The following ITGA2B variants were observed in gnomAD, a reference collection of about 807,000 sequenced individuals.
ITGA2B encodes integrin alpha-IIb.
ITGA2B carries 91 observed loss-of-function variants against 142.0 expected under a neutral mutation model. That is an observed-to-expected ratio of 0.64 (90% CI 0.54 to 0.76). The LOEUF is 0.76. Ranked by LOEUF, ITGA2B falls within the 30% of genes least tolerant of loss-of-function variation. The pLI is 0.00. For missense variants in ITGA2B, 1,231 were observed against 1,350.8 expected, an observed-to-expected ratio of 0.91 and a Z score of 1.39; for synonymous variants, 536 against 567.2, an observed-to-expected ratio of 0.94 and a Z score of 0.78.
chr17:44,383,767 TCTC>T, intron 11 of ITGA2B, 63 bp from the exon 12 acceptor site: 1 of 1,549,430 alleles, frequency 6.5e-7, no homozygotes, highest in Non-Finnish European at 8.7e-7. Flanking sequence ...TAGGGCCAAA[TCTC>T]CTCGACCCTT....
In ITGA2B at chr17:44,376,340, C is replaced by A. The variant is rs368755996; in HGVS notation, c.2316G>T (p.Pro772=). The A allele has an allele frequency of 1.9e-6, 3 of 1,614,056 alleles. No homozygotes were observed. Among genetic ancestry groups the A allele is most frequent in the Non-Finnish European group, 2.5e-6 (3 of 1,180,058 alleles). ...PNSKIVLLDV[P]VRAEAQVELR... Reference sequence around the variant, plus strand: ...GCTCCACTTGGGCCTCTGCCCGGACCGGCACGTCCAGCAGCACAATCTTGC... The same window carrying A: ...GCTCCACTTGGGCCTCTGCCCGGACAGGCACGTCCAGCAGCACAATCTTGC... Residue 772 remains proline (P), a synonymous_variant, in exon 23 of 30, where the codon CCG becomes CCT. Transcript: ENST00000262407.
Position 44,389,528 on chromosome 17 carries a change from T to A in ITGA2B, c.-55A>T, listed in dbSNP as rs1598385319. 4 of 1,576,466 alleles carry A rather than the reference T, an allele frequency of 2.5e-6. No individual in the cohort carries two copies. The East Asian group carries it at 9.0e-5, about 36-fold the overall frequency. ...AATGGGCCAGCTCCTCCTCCTTCCC[T>A]TCAGATTCCTCCACAGGAAGTCTTT... On this transcript the variant is annotated 5_prime_UTR_variant, in exon 1 of 30. The change creates a new upstream start codon in the 5' untranslated region. Transcript: ENST00000262407.
chr17:44,377,889 GA>G (rs59083024), intron 20 of ITGA2B, 99 bp from the exon 21 acceptor site: 22 of 738,218 alleles, frequency 3.0e-5, no homozygotes, highest in East Asian at 1.2e-4. Context: ...CCAAGGTAGG[GA>G]GGGGGGGGTT....
In ITGA2B at chr17:44,389,614, C is replaced by A; in HGVS notation, c.-141G>T. 1 of 911,228 alleles carries A rather than the reference C, an allele frequency of 1.1e-6. No individual in the cohort carries two copies. Among genetic ancestry groups the A allele is most frequent in the South Asian group, 1.6e-5 (1 of 63,488 alleles). The allele number at this position is 911,228 out of a possible 1,614,324, so 56.4% of individuals were successfully genotyped here. ...CAACGGGCAGAGCAAAGGGCTATAG[C>A]CCCTGGACTCATGGTGGCTAGAATT... On this transcript the variant is annotated 5_prime_UTR_variant, in exon 1 of 30. Transcript: ENST00000262407.
chr17:44,375,115 AG>A lies in ITGA2B; in HGVS notation c.2728-5del. 1 of 1,548,348 alleles carries A rather than the reference AG, an allele frequency of 6.5e-7. No individual in the cohort carries two copies. Among genetic ancestry groups the A allele is most frequent in the Non-Finnish European group, 8.7e-7 (1 of 1,146,280 alleles). On this transcript the variant is annotated splice_polypyrimidine_tract_variant and splice_region_variant and intron_variant, in intron 26 of 29. Coordinates refer to ENST00000262407, the MANE Select transcript of ITGA2B (RefSeq NM_000419.5). The stretch of plus-strand genomic sequence containing the variant: ...TACAGGGCGCCGAGTCGCAGCTCTG[AG>A]GGGAAGCATCGTCAGTCCCCAGCCC...
At position 44,380,059 on chromosome 17, in the gene ITGA2B, G is replaced by A; in HGVS notation, c.1695C>T (p.Asn565=). ...GGCTGTGCTTTCCGCCCAGATCCAG[G>A]TTCAGGGTGGTGCCTGCCTGTTGAG... ...LGSQQAGTTL[N]LDLGGKHSPI... is the part of the protein sequence containing the mutation. Residue 565 remains asparagine, a synonymous_variant, in exon 17 of 30, where the codon AAC becomes AAT. Transcript: ENST00000262407. 5 of 1,614,024 alleles carry A rather than the reference G, an allele frequency of 3.1e-6. No homozygotes were observed. In the Admixed American group the frequency reaches 5.0e-5, roughly 16 times the overall value.
Position 44,375,053 on chromosome 17 carries a change from C to T in ITGA2B, c.2786G>A (p.Gly929Glu), listed in dbSNP as rs2048528188. Reference sequence around the variant, plus strand: ...CAGCACCGTGACCATGGCCCGCTGCCCGCGCGCCATCTCCTGCAGGTCACA... The same window carrying T: ...CAGCACCGTGACCATGGCCCGCTGCTCGCGCGCCATCTCCTGCAGGTCACA... ...VQCDLQEMARGQRAMVTVLAF... is the reference protein window; with the variant it reads ...VQCDLQEMAREQRAMVTVLAF... Residue 929 changes from glycine (G) to glutamate (E), a missense_variant, in exon 27 of 30, where the codon GGG becomes GAG. Gly to Glu is a moderately conservative substitution (Grantham distance 98). This residue lies in a region of ITGA2B where 908 missense variants were observed against 1,021.1 expected (regional missense o/e 0.89). Coordinates refer to ENST00000262407, the MANE Select transcript of ITGA2B (RefSeq NM_000419.5). 3.2e-6 allele frequency: 5 copies of T among 1,547,542 alleles called. No individual in the cohort carries two copies. In the East Asian group the frequency reaches 1.2e-4, roughly 38 times the overall value.
chr17:44,388,433 C>A (rs2048669141), intron 1 of ITGA2B, among the ~76,000 whole-genome samples: 1 of 148,998 alleles, frequency 6.7e-6, no homozygotes, highest in African/African-American at 2.5e-5. Context: ...CTCGGCTCAC[C>A]ACAACCTCTG....
rs893045970 is a variant in ITGA2B at position 44,383,673 on chromosome 17, A to G, written c.1030T>C (p.Tyr344His). The change falls in exon 12 of 30, where the codon TAT (tyrosine) becomes CAT (histidine). Residue 344 changes from tyrosine (Y) to histidine (H), a missense_variant. Physicochemically the swap from Tyr to His is moderately conservative, Grantham distance 83. This residue lies in a region of ITGA2B where 908 missense variants were observed against 1,021.1 expected (regional missense o/e 0.89). Transcript: ENST00000262407. ...RHDLLVGAPL[Y>H]MESRADRKLA... is the part of the protein sequence containing the mutation. Reference sequence around the variant, plus strand: ...TTTCGGTCTGCCCGGCTCTCCATATACAGTGGAGCGCCCACCAGCAGATCA... The same window carrying G: ...TTTCGGTCTGCCCGGCTCTCCATATGCAGTGGAGCGCCCACCAGCAGATCA... The G allele has an allele frequency of 6.9e-6, 11 of 1,589,142 alleles. No individual in the cohort carries two copies. The highest frequency in any genetic ancestry group is 8.6e-6 in the Non-Finnish European group (10 of 1,167,560).
rs2048581747 is a variant in ITGA2B at position 44,380,135 on chromosome 17, TG to T, written c.1618del (p.Gln540SerfsTer25). On this transcript the variant is annotated frameshift_variant, in exon 17 of 30. Transcript: ENST00000262407. LOFTEE classifies it high-confidence loss of function. The part of the protein sequence containing the change: ...PQKLSLNAEL[Q>X]LDRQKPRQGR... ...CTGGCGGGGCTTCTGCCGGTCCAGCTGCAGCTCGGCATTTAGGGCTGGCAGG... is the reference window on the plus strand; with the variant it reads ...CTGGCGGGGCTTCTGCCGGTCCAGCTCAGCTCGGCATTTAGGGCTGGCAGG... 6.2e-7 allele frequency: 1 copy of T among 1,613,704 alleles called. No homozygotes were observed. The highest frequency in any genetic ancestry group is 8.5e-7 in the Non-Finnish European group (1 of 1,179,986).
Position 44,386,216 on chromosome 17 carries a change from G to A in ITGA2B, c.189-85C>T, listed in dbSNP as rs543618331. 1.1e-4 allele frequency: 174 copies of A among 1,531,988 alleles called. No homozygotes were observed. In the African/African-American group the frequency reaches 2.1e-3, roughly 19 times the overall value. The allele number at this position is 1,531,988 out of a possible 1,614,324, so 94.9% of individuals were successfully genotyped here. On this transcript the variant is annotated intron_variant, in intron 1 of 29. Transcript: ENST00000262407. ...CGGCGCTGGGAGCACTGCCCGGAAG[G>A]CCATGTGGCATGGGGGCACTGGACC...
intron 1 of ITGA2B, among the ~76,000 whole-genome samples, chr17:44,386,937 G>A (rs1457155411): frequency 5.3e-5 from 8 of 152,184 alleles, no homozygotes; most frequent in Admixed American, 4.6e-4. Flanking sequence ...GACTGCGGGT[G>A]TGCAACACCA....
chr17:44,379,658 A>G, intron 18 of ITGA2B, 31 bp downstream of exon 18: 2 of 1,613,180 alleles, frequency 1.2e-6, no homozygotes, highest in Non-Finnish European at 1.7e-6. Context: ...GGGGTCCTGC[A>G]CCTCCCTGGC....
intron 21 of ITGA2B, 69 bp downstream of exon 21, chr17:44,377,629 C>A: frequency 8.3e-7 from 1 of 1,203,008 alleles, no homozygotes; most frequent in South Asian, 1.2e-5. Flanking sequence ...GCTCTAAAAC[C>A]TCACCCCTAA....
In ITGA2B at chr17:44,383,504, TC is replaced by T; in HGVS notation, c.1198del (p.Asp400MetfsTer31). On this transcript the variant is annotated frameshift_variant, in exon 12 of 30. Transcript: ENST00000262407. LOFTEE classifies it high-confidence loss of function. ...CTCTCTTCCCTCACCATTGTAGCCA[TC>T]CCGGTCGAGGTCGCCCAGGGGTGCG... ...AIAPLGDLDRDGYNDIAVAAP... is the reference protein window; with the variant it reads ...AIAPLGDLDRXGYNDIAVAAP... The T allele has an allele frequency of 6.2e-7, 1 of 1,609,088 alleles. No homozygotes were observed. Among genetic ancestry groups the T allele is most frequent in the Non-Finnish European group, 8.5e-7 (1 of 1,179,684 alleles).
At position 44,376,072 on chromosome 17, in the gene ITGA2B, G is replaced by A; in HGVS notation, c.2448+13C>T. The A allele has an allele frequency of 6.2e-7, 1 of 1,614,120 alleles. No individual in the cohort carries two copies. Among genetic ancestry groups the A allele is most frequent in the Non-Finnish European group, 8.5e-7 (1 of 1,179,996 alleles). On this transcript the variant is annotated intron_variant, in intron 24 of 29. Coordinates refer to ENST00000262407, the MANE Select transcript of ITGA2B (RefSeq NM_000419.5). ...CCGCTCACCCCAGCCAGGGACGCGA[G>A]GCTCCCCAATACCTCATAGGTGTGC...
chr17:44,376,452 G>T, intron 22 of ITGA2B, 64 bp from the exon 23 acceptor site: 1 of 1,477,582 alleles, frequency 6.8e-7, no homozygotes, highest in Non-Finnish European at 9.5e-7. Context: ...TTCTGGGGGT[G>T]AGGCCAGAAT....
At chr17:44,379,504 T>C (rs1334013007) in intron 18 of ITGA2B, among the ~76,000 whole-genome samples, 185 bp downstream of exon 18, 1 of 152,168 alleles carries the variant, frequency 6.6e-6, no homozygotes, top group Admixed American at 6.5e-5. Context: ...TCTGCCTGCC[T>C]CGGTCTCCCA....
Position 44,386,209 on chromosome 17 carries a change from C to G in ITGA2B, c.189-78G>C. On this transcript the variant is annotated intron_variant, in intron 1 of 29. Transcript: ENST00000262407. ...CTGGCGCCGGCGCTGGGAGCACTGC[C>G]CGGAAGGCCATGTGGCATGGGGGCA... 2.0e-6 allele frequency: 3 copies of G among 1,535,786 alleles called. No individual in the cohort carries two copies. The South Asian group carries it at 3.6e-5, about 18-fold the overall frequency.
Sources: gnomAD v4.1 joint callset for allele counts (sites outside exome capture counted in the v4.1 genomes callset) on GRCh38, gnomAD v4.1.1 for gene constraint, gnomAD v4.1.1 regional missense constraint, MANE v1.5 for transcripts, NCBI Gene and HGNC (gene_info 2026-07-23, HGNC 2026-07-21) for gene names.